Variants in SLC8A1 observed in about 807,000 individuals in gnomAD.
The protein encoded by SLC8A1 is solute carrier family 8 member A1.
In SLC8A1, 18 loss-of-function variants were observed where a neutral mutation model predicts 68.3. The ratio of observed to expected loss-of-function variants is 0.26; its 90% confidence interval spans 0.18 to 0.39. The LOEUF (loss-of-function observed/expected upper bound fraction) is 0.39, where lower values mean the gene tolerates loss of function less well. Ranked by LOEUF, SLC8A1 falls within the 10% of genes least tolerant of loss-of-function variation. The pLI is 1.00. For synonymous variants in SLC8A1, 475 were observed against 415.5 expected (o/e 1.14, Z -1.74); for missense variants, 985 against 1,156.7 (o/e 0.85, Z 2.15).
At chr2:40,361,638 T>A (rs1312544720) in intron 2 of SLC8A1, among the ~76,000 whole-genome samples, 1 of 152,026 alleles carries the variant, frequency 6.6e-6, no homozygotes, top group Non-Finnish European at 1.5e-5. Context: ...CCTCACTGCC[T>A]ATAAACTAAG....
intron 4 of SLC8A1, among the ~76,000 whole-genome samples, chr2:40,169,053 G>A (rs1349168819): frequency 1.3e-5 from 2 of 152,166 alleles, no homozygotes; most frequent in Non-Finnish European, 2.9e-5. Flanking sequence ...AAAGCTAATA[G>A]GTACCTGGCA....
intron 2 of SLC8A1, among the ~76,000 whole-genome samples, chr2:40,314,074 C>A (rs928168743): frequency 6.6e-6 from 1 of 151,996 alleles, no homozygotes; most frequent in Admixed American, 6.6e-5. Flanking sequence ...TCTAGGAAAT[C>A]TTTGCCTAAC....
chr2:40,188,602 T>C (rs1408003143), intron 2 of SLC8A1, among the ~76,000 whole-genome samples: 1 of 152,246 alleles, frequency 6.6e-6, no homozygotes, highest in Non-Finnish European at 1.5e-5. Context: ...CGTTTCTTTT[T>C]TCAAAGTAAA....
intron 2 of SLC8A1, among the ~76,000 whole-genome samples, chr2:40,264,164 C>T (rs2065060192): frequency 6.6e-6 from 1 of 151,302 alleles, no homozygotes; most frequent in Non-Finnish European, 1.5e-5. Context: ...CATCTCACAC[C>T]AGTTAGAATG....
chr2:40,232,840 T>C (rs1333010221), intron 2 of SLC8A1, among the ~76,000 whole-genome samples: 4 of 140,190 alleles, frequency 2.9e-5, no homozygotes, highest in East Asian at 4.0e-4. Flanking sequence ...TGAGTGAGAA[T>C]ATGCGGTGTT....
intron 2 of SLC8A1, among the ~76,000 whole-genome samples, chr2:40,384,099 G>GTT (rs941183280): frequency 7.8e-4 from 114 of 146,326 alleles, no homozygotes; most frequent in Non-Finnish European, 1.6e-3. Context: ...CATCTCTACA[G>GTT]TTTTTTTTTT....
chr2:40,288,864 ATTT>A (rs35858344), intron 2 of SLC8A1, among the ~76,000 whole-genome samples: 1 of 125,842 alleles, frequency 7.9e-6, no homozygotes. Flanking sequence ...TATATATATG[ATTT>A]TTTTTTTTTT....
exon 7 of SLC8A1, chr2:40,139,538 C>G: frequency 6.2e-7 from 1 of 1,614,058 alleles, no homozygotes. Flanking sequence ...GACAATGAAA[C>G]ACGCCCAGCC....
intron 2 of SLC8A1, among the ~76,000 whole-genome samples, chr2:40,351,276 T>C (rs958785777): frequency 1.3e-5 from 2 of 152,238 alleles, no homozygotes; most frequent in South Asian, 4.1e-4. Context: ...ATACTACAGA[T>C]TTGAAACATG....
In SLC8A1 at chr2:40,331,581, ATTTAT is replaced by A. The variant is rs1328411105; in HGVS notation, c.1808+96887_1808+96891del. On this transcript the variant is annotated intron_variant, in intron 2 of 7. Transcript: ENST00000406785. ...TTTTCATTAGGGTGGCTTTTTATTT[ATTTAT>A]TTTATTTTATGTTTATTTTTTTTTT... Among the ~76,000 whole-genome samples the A allele has an allele frequency of 7.2e-5, 11 of 151,776 alleles. No homozygotes were observed. In the East Asian group the frequency reaches 7.8e-4, roughly 11 times the overall value.
At chr2:40,217,610 G>C (rs961837854) in intron 2 of SLC8A1, among the ~76,000 whole-genome samples, 1 of 152,126 alleles carries the variant, frequency 6.6e-6, no homozygotes, top group Non-Finnish European at 1.5e-5. Flanking sequence ...GTTCTTGTGA[G>C]CTCAGAGGAT....
At chr2:40,437,337 C>A (rs908187463) in intron 1 of SLC8A1, among the ~76,000 whole-genome samples, 4 of 152,076 alleles carry the variant, frequency 2.6e-5, no homozygotes, top group African/African-American at 7.2e-5. Context: ...CATCAAGGAG[C>A]CTCACATGTT....
intron 1 of SLC8A1, among the ~76,000 whole-genome samples, chr2:40,440,062 G>A (rs1162999997): frequency 6.6e-6 from 1 of 152,108 alleles, no homozygotes; most frequent in African/African-American, 2.4e-5. Context: ...ACCAAAGGGA[G>A]TGTTGGTGAC....
chr2:40,452,616 C>T (rs1702696541), upstream of SLC8A1, among the ~76,000 whole-genome samples: 1 of 152,134 alleles, frequency 6.6e-6, no homozygotes, highest in Non-Finnish European at 1.5e-5. Context: ...TCCTGCCCTT[C>T]TGCTAAAGGA....
At chr2:40,144,366 G>T (rs1186697013) in intron 6 of SLC8A1, among the ~76,000 whole-genome samples, 1 of 152,152 alleles carries the variant, frequency 6.6e-6, no homozygotes, top group African/African-American at 2.4e-5. Flanking sequence ...AGATCCTGAA[G>T]TTCAGAGAAT....
intron 6 of SLC8A1, among the ~76,000 whole-genome samples, chr2:40,154,299 C>CTTTTT (rs57350879): frequency 2.7e-5 from 2 of 74,920 alleles, no homozygotes; most frequent in Middle Eastern, 9.8e-3. Context: ...TTTATTTATT[C>CTTTTT]TTTTTTTTTT....
intron 2 of SLC8A1, among the ~76,000 whole-genome samples, chr2:40,204,999 GGA>G (rs1418139142): frequency 1.3e-5 from 2 of 151,844 alleles, no homozygotes; most frequent in Non-Finnish European, 2.9e-5. Flanking sequence ...ATCTATTTCA[GGA>G]GTACAGTGCT....
In SLC8A1 at chr2:40,479,567, A is replaced by T. The variant is rs1008824454; in HGVS notation, c.-25+32782T>A. Among the ~76,000 whole-genome samples, 9 of 152,246 alleles carry T rather than the reference A, an allele frequency of 5.9e-5. No individual in the cohort carries two copies. The South Asian group carries it at 1.7e-3, about 28-fold the overall frequency. ...TAGTAGGTATTTATATATTCTATAG[A>T]TGAGGAAACACAGAAGTTTCTTATC... On this transcript the variant is annotated intron_variant, in intron 1 of 7. Coordinates refer to the SLC8A1 transcript ENST00000402441.
At chr2:40,287,940 T>C (rs575351612) in intron 2 of SLC8A1, among the ~76,000 whole-genome samples, 1 of 152,120 alleles carries the variant, frequency 6.6e-6, no homozygotes. Flanking sequence ...GAGACTTTGA[T>C]GGGTATTGTC....
Sources: gnomAD v4.1 joint callset for allele counts (sites outside exome capture counted in the v4.1 genomes callset) on GRCh38, gnomAD v4.1.1 for gene constraint, MANE v1.5 for transcripts, NCBI Gene and HGNC (gene_info 2026-07-23, HGNC 2026-07-21) for gene names.